Variants in MSRA observed in about 807,000 individuals in gnomAD.
MSRA encodes the protein mitochondrial peptide methionine sulfoxide reductase.
Under a neutral mutation model 31.3 loss-of-function variants are expected in MSRA, and 54 were observed. That is an observed-to-expected ratio of 1.73 (90% CI 1.39 to 2.17). The LOEUF (loss-of-function observed/expected upper bound fraction) is 2.17. MSRA is among the 30% of genes most tolerant of loss of function. MSRA has a pLI of 0.00. For synonymous variants in MSRA, 169 were observed against 116.5 expected (o/e 1.45, Z -2.90); for missense variants, 507 against 300.9 (o/e 1.69, Z -5.07).
At chr8:10,300,124 T>TG (rs1800761922) in intron 3 of MSRA, among the ~76,000 whole-genome samples, 1 of 149,556 alleles carries the variant, frequency 6.7e-6, no homozygotes, top group African/African-American at 2.5e-5. Flanking sequence ...TGGAAGAAAT[T>TG]TGTGTGTGTG....
chr8:10,096,123 A>G, intron 1 of MSRA: 3 of 1,278,034 alleles, frequency 2.3e-6, no homozygotes, highest in Non-Finnish European at 2.1e-6. Flanking sequence ...CTAAGATTTT[A>G]TGCAGCCCAG....
At chr8:10,236,235 C>G (rs1811925465) in intron 2 of MSRA, among the ~76,000 whole-genome samples, 2 of 152,110 alleles carry the variant, frequency 1.3e-5, no homozygotes, top group Admixed American at 1.3e-4. Context: ...CATTATTCAG[C>G]ATTGTATGGA....
intron 2 of MSRA, among the ~76,000 whole-genome samples, chr8:10,238,904 TAAG>T (rs1231697787): frequency 6.6e-6 from 1 of 152,110 alleles, no homozygotes. Context: ...TAGAGAAATT[TAAG>T]AACATTCAAA....
chr8:10,212,003 T>G (rs543715012), intron 2 of MSRA, among the ~76,000 whole-genome samples: 1 of 152,188 alleles, frequency 6.6e-6, no homozygotes, highest in South Asian at 2.1e-4. Context: ...TTGTGAAGAT[T>G]CTTGGTACAA....
chr8:10,141,337 T>C (rs959678739), intron 1 of MSRA, among the ~76,000 whole-genome samples: 2 of 152,174 alleles, frequency 1.3e-5, no homozygotes, highest in Non-Finnish European at 1.5e-5. Context: ...TAGAAAAGTT[T>C]CCATGACTTG....
intron 5 of MSRA, among the ~76,000 whole-genome samples, chr8:10,399,706 G>A (rs576602081): frequency 2.6e-5 from 4 of 152,172 alleles, no homozygotes; most frequent in Non-Finnish European, 5.9e-5. Context: ...AGGCTTCCCT[G>A]TAGCCCTATA....
At chr8:10,220,822 G>C (rs1810427874) in intron 2 of MSRA, among the ~76,000 whole-genome samples, 2 of 152,222 alleles carry the variant, frequency 1.3e-5, no homozygotes, top group Non-Finnish European at 2.9e-5. Context: ...CTCACATTGG[G>C]AAGCATGGAA....
intron 1 of MSRA, among the ~76,000 whole-genome samples, chr8:10,177,755 G>T (rs1444303606): frequency 6.6e-6 from 1 of 152,184 alleles, no homozygotes; most frequent in Admixed American, 6.5e-5. Context: ...TCTATGGACA[G>T]CCCTGAAATT....
At chr8:10,387,005 C>T (rs1806436107) in intron 5 of MSRA, among the ~76,000 whole-genome samples, 1 of 152,064 alleles carries the variant, frequency 6.6e-6, no homozygotes, top group Non-Finnish European at 1.5e-5. Context: ...CACCTGGGGT[C>T]ATGTTAAAGT....
intron 5 of MSRA, among the ~76,000 whole-genome samples, chr8:10,371,365 A>G (rs1805465266): frequency 1.3e-5 from 2 of 151,940 alleles, no homozygotes; most frequent in South Asian, 4.2e-4. Context: ...TCAGTCCCCA[A>G]ACCTGTGCCG....
chr8:10,269,231 A>G (rs986887360), intron 3 of MSRA, among the ~76,000 whole-genome samples: 3 of 152,256 alleles, frequency 2.0e-5, no homozygotes, highest in Admixed American at 6.5e-5. Flanking sequence ...AAATGATACC[A>G]CAGAGTGAGC....
At chr8:10,333,807 C>A (rs1802851518) in intron 5 of MSRA, among the ~76,000 whole-genome samples, 1 of 151,948 alleles carries the variant, frequency 6.6e-6, no homozygotes, top group South Asian at 2.1e-4. Context: ...CTTCTCCACC[C>A]CACCCCCCCC....
At chr8:10,077,677 C>G (rs761375167) in intron 1 of MSRA, among the ~76,000 whole-genome samples, 8 of 151,916 alleles carry the variant, frequency 5.3e-5, no homozygotes, top group Non-Finnish European at 1.0e-4. Flanking sequence ...CTCAGCCTCC[C>G]TCACTCTTCC....
intron 1 of MSRA, among the ~76,000 whole-genome samples, chr8:10,181,159 C>T (rs1806503159): frequency 6.6e-6 from 1 of 152,138 alleles, no homozygotes; most frequent in South Asian, 2.1e-4. Context: ...AACCTGTAAG[C>T]AGATATATTA....
At chr8:10,121,764 A>G (rs370951058) in intron 1 of MSRA, among the ~76,000 whole-genome samples, 2 of 151,676 alleles carry the variant, frequency 1.3e-5, no homozygotes, top group African/African-American at 4.8e-5. Flanking sequence ...TCAGACTCCT[A>G]AGCTCAAGCG....
intron 5 of MSRA, among the ~76,000 whole-genome samples, chr8:10,364,743 C>T (rs886391195): frequency 2.0e-5 from 3 of 152,274 alleles, no homozygotes; most frequent in South Asian, 2.1e-4. Context: ...GGCAGATGGG[C>T]GTGCCAGATA....
chr8:10,235,991 A>G (rs1025253730), intron 2 of MSRA, among the ~76,000 whole-genome samples: 2 of 152,230 alleles, frequency 1.3e-5, no homozygotes, highest in African/African-American at 2.4e-5. Context: ...AAAATCTGTT[A>G]ATGTAATATA....
chr8:10,130,344 T>C (rs1452416958), intron 1 of MSRA, among the ~76,000 whole-genome samples: 3 of 152,206 alleles, frequency 2.0e-5, no homozygotes, highest in African/African-American at 4.8e-5. Flanking sequence ...CCCCGACTAA[T>C]GGTATTACTC....
At chr8:10,298,778 A>G (rs76624652) in intron 3 of MSRA, among the ~76,000 whole-genome samples, 4,222 of 152,294 alleles carry the variant, frequency 0.028, 133 homozygotes, top group African/African-American at 0.077. Flanking sequence ...TCTTATGAGT[A>G]TACCACGTTT....
Sources: allele counts gnomAD v4.1 joint callset (sites outside exome capture counted in the v4.1 genomes callset), GRCh38; gene constraint gnomAD v4.1.1; transcripts MANE v1.5; gene names NCBI Gene and HGNC (gene_info 2026-07-23, HGNC 2026-07-21).